CDH4: variants seen among roughly 807,000 people sequenced by gnomAD.
CDH4 encodes the protein cadherin 4, also known as cadherin-4.
In CDH4, 33 loss-of-function variants were observed where a neutral mutation model predicts 86.0. The ratio of observed to expected loss-of-function variants is 0.38; its 90% confidence interval spans 0.29 to 0.51. The LOEUF (loss-of-function observed/expected upper bound fraction) is 0.51. CDH4 is among the 20% of genes least tolerant of loss of function. CDH4 has a pLI of 0.86. For synonymous variants in CDH4, 555 were observed against 549.4 expected (o/e 1.01, Z -0.14); for missense variants, 1,114 against 1,307.4 (o/e 0.85, Z 2.28).
chr20:61,779,488 G>A (rs1033667314), intron 4 of CDH4, among the ~76,000 whole-genome samples: 2 of 152,320 alleles, frequency 1.3e-5, no homozygotes, highest in South Asian at 2.1e-4. Flanking sequence ...TCACAGGTGC[G>A]CAGCCACAGA....
chr20:61,574,598 A>T (rs897358240), intron 2 of CDH4, among the ~76,000 whole-genome samples: 4 of 152,212 alleles, frequency 2.6e-5, no homozygotes, highest in Admixed American at 6.5e-5. Context: ...AAGTATAAAA[A>T]TATTGCAGAG....
intron 2 of CDH4, among the ~76,000 whole-genome samples, chr20:61,454,729 G>A (rs1436763098): frequency 6.6e-6 from 1 of 152,204 alleles, no homozygotes; most frequent in East Asian, 1.9e-4. Flanking sequence ...ACAGGCATGA[G>A]CCACCGCGCC....
intron 7 of CDH4, among the ~76,000 whole-genome samples, chr20:61,893,355 G>A (rs1172423297): frequency 1.3e-5 from 2 of 151,102 alleles, no homozygotes; most frequent in African/African-American, 2.4e-5. Context: ...ATAAATGAAT[G>A]GGTGGGTGAA....
At chr20:61,664,917 T>G (rs991250045) in intron 2 of CDH4, among the ~76,000 whole-genome samples, 1 of 152,220 alleles carries the variant, frequency 6.6e-6, no homozygotes, top group African/African-American at 2.4e-5. Flanking sequence ...TGAATGAAGT[T>G]TCTTGAAATT....
intron 2 of CDH4, among the ~76,000 whole-genome samples, chr20:61,614,094 C>T (rs1326676201): frequency 3.3e-5 from 5 of 152,140 alleles, no homozygotes; most frequent in Admixed American, 1.3e-4. Context: ...GTTCCTGGCT[C>T]GGCTCCCAGA....
At chr20:61,545,930 TGGA>T in intron 2 of CDH4, among the ~76,000 whole-genome samples, 1 of 132,548 alleles carries the variant, frequency 7.5e-6, no homozygotes, top group Non-Finnish European at 1.6e-5. Flanking sequence ...TGTGCATGTG[TGGA>T]GGGGGTATGT....
intron 2 of CDH4, among the ~76,000 whole-genome samples, chr20:61,732,727 G>T (rs1171185798): frequency 6.6e-6 from 1 of 152,226 alleles, no homozygotes; most frequent in East Asian, 1.9e-4. Flanking sequence ...GAGGACCTCG[G>T]TGTGCACCGC....
At chr20:61,539,222 C>T (rs1218984908) in intron 2 of CDH4, among the ~76,000 whole-genome samples, 1 of 152,214 alleles carries the variant, frequency 6.6e-6, no homozygotes, top group Non-Finnish European at 1.5e-5. Context: ...CCTCACCTTG[C>T]TTTGAAGCCT....
At chr20:61,910,664 C>T in intron 9 of CDH4, 57 bp downstream of exon 9, 2 of 1,458,392 alleles carry the variant, frequency 1.4e-6, no homozygotes, top group South Asian at 1.2e-5. Flanking sequence ...CTGCACACTC[C>T]CTAGGACCAG....
intron 2 of CDH4, among the ~76,000 whole-genome samples, chr20:61,649,760 C>G (rs955204481): frequency 2.2e-4 from 34 of 152,182 alleles, no homozygotes; most frequent in Admixed American, 2.1e-3. Context: ...CATGGCGGGC[C>G]GTGAGCAGGT....
chr20:61,871,039 A>ATGTGTG (rs10590544), intron 6 of CDH4, among the ~76,000 whole-genome samples: 20,899 of 149,756 alleles, frequency 0.14, 1,557 homozygotes, highest in Non-Finnish European at 0.17. Flanking sequence ...TATTTATAGG[A>ATGTGTG]TGTGTGTGTG....
rs1216365447 is a variant in CDH4 at position 61,933,062 on chromosome 20, G to A, written c.2317G>A (p.Glu773Lys). ...CACGAAGCAGCTGCTCATTGACCCC[G>A]AGGACGACGTCCGCGACAACATCCT... ...RHTKQLLIDP[E>K]DDVRDNILKY... is the part of the protein sequence containing the mutation. The change falls in exon 14 of 16, where the codon GAG becomes AAG. Residue 773 changes from glutamate (E) to lysine (K), a missense_variant. Physicochemically the swap from Glu to Lys is moderately conservative, Grantham distance 56 (BLOSUM62 1). Coordinates refer to ENST00000614565, the MANE Select transcript of CDH4 (RefSeq NM_001794.5). 4.3e-6 allele frequency: 7 copies of A among 1,613,138 alleles called. No individual in the cohort carries two copies. The highest frequency in any genetic ancestry group is 4.0e-5 in the African/African-American group (3 of 74,942).
intron 2 of CDH4, among the ~76,000 whole-genome samples, chr20:61,308,064 A>G (rs987618393): frequency 3.3e-5 from 5 of 152,216 alleles, no homozygotes; most frequent in African/African-American, 1.2e-4. Context: ...TGAGATGACC[A>G]GAATCACTGT....
intron 2 of CDH4, among the ~76,000 whole-genome samples, chr20:61,704,965 G>GTC (rs1163246406): frequency 6.6e-6 from 1 of 152,168 alleles, no homozygotes; most frequent in African/African-American, 2.4e-5. Flanking sequence ...TTCTCTAATA[G>GTC]TCCAACCAAA....
intron 4 of CDH4, among the ~76,000 whole-genome samples, chr20:61,833,532 C>T (rs1018902552): frequency 6.6e-6 from 1 of 152,180 alleles, no homozygotes; most frequent in Non-Finnish European, 1.5e-5. Context: ...ACTGACAACA[C>T]AAAAAGCCCA....
At chr20:61,356,049 T>A (rs143753854) in intron 2 of CDH4, among the ~76,000 whole-genome samples, 1 of 152,366 alleles carries the variant, frequency 6.6e-6, no homozygotes, top group Non-Finnish European at 1.5e-5. Context: ...TTTAGTATTT[T>A]CAGCAAATTG....
chr20:61,310,495 G>C (rs542495701), intron 2 of CDH4, among the ~76,000 whole-genome samples: 1 of 152,122 alleles, frequency 6.6e-6, no homozygotes, highest in Non-Finnish European at 1.5e-5. Flanking sequence ...TCCCATGCGC[G>C]GTTCACAGTA....
At chr20:61,899,729 G>T (rs1321334502) in intron 8 of CDH4, among the ~76,000 whole-genome samples, 1 of 152,130 alleles carries the variant, frequency 6.6e-6, no homozygotes. Flanking sequence ...ACCCAGCCCA[G>T]GTTAAATATT....
At chr20:61,363,649 G>A (rs1477224406) in intron 2 of CDH4, among the ~76,000 whole-genome samples, 1 of 152,152 alleles carries the variant, frequency 6.6e-6, no homozygotes, top group Non-Finnish European at 1.5e-5. Context: ...TTCCTGACGG[G>A]GGCCACAGTG....
Sources: allele counts gnomAD v4.1 joint callset (sites outside exome capture counted in the v4.1 genomes callset), GRCh38; gene constraint gnomAD v4.1.1; transcripts MANE v1.5; gene names NCBI Gene and HGNC (gene_info 2026-07-23, HGNC 2026-07-21).